TBCD: variants seen among roughly 807,000 people sequenced by gnomAD.
TBCD encodes the protein tubulin-specific chaperone D.
TBCD carries 105 observed loss-of-function variants against 169.3 expected under a neutral mutation model. The ratio of observed to expected loss-of-function variants is 0.62; its 90% CI spans 0.53 to 0.73. The LOEUF (loss-of-function observed/expected upper bound fraction) is 0.73. TBCD is among the 30% of genes least tolerant of loss of function. The pLI is 0.00. For synonymous variants in TBCD, 700 were observed against 643.9 expected (o/e 1.09, Z -1.32); for missense variants, 1,444 against 1,600.1 (o/e 0.90, Z 1.66).
intron 2 of TBCD, among the ~76,000 whole-genome samples, chr17:82,759,655 A>G (rs2047647359): frequency 6.6e-6 from 1 of 152,070 alleles, no homozygotes. Flanking sequence ...TTAGCTTGTC[A>G]AACTATCAGT....
chr17:82,785,812 C>A (rs866174941), intron 7 of TBCD, among the ~76,000 whole-genome samples: 2 of 137,986 alleles, frequency 1.4e-5, no homozygotes, highest in African/African-American at 5.8e-5. Context: ...GGGGTCCATG[C>A]TGTGTGACTG....
intron 34 of TBCD, among the ~76,000 whole-genome samples, chr17:82,935,337 C>T (rs1362794893): frequency 2.6e-5 from 4 of 152,026 alleles, no homozygotes; most frequent in Admixed American, 6.6e-5. Context: ...TGTTTTTGTA[C>T]GCCTCTCTTA....
intron 37 of TBCD, among the ~76,000 whole-genome samples, chr17:82,940,468 G>A (rs1368549534): frequency 6.6e-6 from 1 of 152,196 alleles, no homozygotes; most frequent in East Asian, 1.9e-4. Context: ...AATCCAGCAA[G>A]GACGTAGGTG....
chr17:82,872,953 TCGTGGCCG>T (rs2057704712), intron 14 of TBCD, among the ~76,000 whole-genome samples: 2 of 143,218 alleles, frequency 1.4e-5, no homozygotes, highest in Non-Finnish European at 3.0e-5. Flanking sequence ...GCCCGGCACC[TCGTGGCCG>T]ACGGCTTCTG....
intron 13 of TBCD, among the ~76,000 whole-genome samples, chr17:82,815,694 C>T (rs1386223955): frequency 2.0e-5 from 3 of 152,196 alleles, no homozygotes; most frequent in African/African-American, 7.2e-5. Flanking sequence ...CCTGAGAGGG[C>T]CTCACCACAG....
intron 17 of TBCD, among the ~76,000 whole-genome samples, chr17:82,899,132 TGTGTCCTCCGCTA>T (rs1200073620): frequency 2.9e-5 from 3 of 102,014 alleles, no homozygotes; most frequent in East Asian, 2.9e-4. Flanking sequence ...CCTCAGTGCA[TGTGTCCTCCGCTA>T]GTGTCCTCAG....
chr17:82,762,672 G>A (rs2047827236), intron 2 of TBCD, among the ~76,000 whole-genome samples: 1 of 151,772 alleles, frequency 6.6e-6, no homozygotes, highest in Non-Finnish European at 1.5e-5. Flanking sequence ...TTACTTGAAT[G>A]TGGGAGGCAG....
intron 7 of TBCD, among the ~76,000 whole-genome samples, chr17:82,793,542 C>T (rs550582193): frequency 6.6e-6 from 1 of 152,190 alleles, no homozygotes; most frequent in African/African-American, 2.4e-5. Flanking sequence ...GAGCCTCGAG[C>T]GTACCAGAGT....
chr17:82,848,673 C>CT (rs1224325919), intron 13 of TBCD, among the ~76,000 whole-genome samples: 9 of 152,084 alleles, frequency 5.9e-5, no homozygotes, highest in Non-Finnish European at 1.0e-4. Flanking sequence ...CTCAGATCTT[C>CT]TTTTTTTTCA....
chr17:82,938,782 C>T (rs1031357573), intron 36 of TBCD, among the ~76,000 whole-genome samples: 13 of 149,094 alleles, frequency 8.7e-5, no homozygotes, highest in African/African-American at 2.0e-4. Flanking sequence ...AGAGAGCAGG[C>T]GAGATTGCTT....
intron 25 of TBCD, among the ~76,000 whole-genome samples, 181 bp downstream of exon 25, chr17:82,921,758 C>T (rs2061432265): frequency 6.6e-6 from 1 of 152,244 alleles, no homozygotes; most frequent in Non-Finnish European, 1.5e-5. Context: ...GGTTTATAAC[C>T]AGAAAATCCA....
Position 82,924,979 on chromosome 17 carries a change from C to G in TBCD, c.2301C>G (p.Pro767=), listed in dbSNP as rs376679129. 3.8e-6 allele frequency: 6 copies of G among 1,575,148 alleles called. No homozygotes were observed. The highest frequency in any genetic ancestry group is 5.2e-6 in the Non-Finnish European group (6 of 1,159,194). The change falls in exon 27 of 39, where the codon CCC becomes CCG. Residue 767 remains proline, a synonymous_variant. Transcript: ENST00000355528. The part of the protein sequence containing the change: ...ITQYLAELRN[P]EEMTRCGFSL... ...AGTACCTGGCTGAGCTTCGGAACCC[C>G]GAGGAGATGACTCGCTGTGGCTTCT...
chr17:82,813,376 G>A (rs1201837262), intron 12 of TBCD, among the ~76,000 whole-genome samples: 1 of 151,982 alleles, frequency 6.6e-6, no homozygotes, highest in African/African-American at 2.4e-5. Flanking sequence ...TTCCAGGAGT[G>A]CCTTAAGCTT....
intron 23 of TBCD, among the ~76,000 whole-genome samples, chr17:82,916,376 C>A (rs2147056291): frequency 1.3e-5 from 2 of 152,234 alleles, no homozygotes; most frequent in African/African-American, 2.4e-5. Flanking sequence ...TCCCGAGTAG[C>A]TGGGATTACA....
chr17:82,930,482 C>CG lies in TBCD; in HGVS notation c.2992-35dup, dbSNP rs1568078721. 6.2e-7 allele frequency: 1 copy of CG among 1,602,574 alleles called. No individual in the cohort carries two copies. The highest frequency in any genetic ancestry group is 1.7e-5 in the Admixed American group (1 of 58,648). On this transcript the variant is annotated intron_variant, in intron 32 of 38. Transcript: ENST00000355528. This position sits in a 1 kb window ranked among gnomAD's most constrained non-coding sequence, Gnocchi z 5.2. ...AGCCAAGCCTGAGGGGTGGCAGGCT[C>CG]GGGGGTCCCACTGCCTTCTGAGGTG...
intron 13 of TBCD, among the ~76,000 whole-genome samples, chr17:82,838,031 C>T (rs993143065): frequency 2.6e-5 from 4 of 152,226 alleles, no homozygotes; most frequent in African/African-American, 9.6e-5. Context: ...ATGTTGTGTG[C>T]TCAGCCGATG....
chr17:82,831,727 G>C lies in TBCD; in HGVS notation c.1318+16793G>C, dbSNP rs372681666. 6.2e-7 allele frequency: 1 copy of C among 1,614,008 alleles called. No individual in the cohort carries two copies. Among genetic ancestry groups the C allele is most frequent in the South Asian group, 1.1e-5 (1 of 91,084 alleles). On this transcript the variant is annotated intron_variant, in intron 13 of 38. Coordinates refer to ENST00000355528, the MANE Select transcript of TBCD (RefSeq NM_005993.5). This position sits in a 1 kb window ranked among gnomAD's most constrained non-coding sequence, Gnocchi z 4.6. Reference sequence around the variant, plus strand: ...CCCGTGCTCTGTGTAAAAGTGAGGCGGGTACTCTGGGATTGTGGGGTGCAT... The same window carrying C: ...CCCGTGCTCTGTGTAAAAGTGAGGCCGGTACTCTGGGATTGTGGGGTGCAT...
intron 3 of TBCD, among the ~76,000 whole-genome samples, chr17:82,764,561 C>T (rs1272450011): frequency 6.6e-6 from 1 of 152,162 alleles, no homozygotes; most frequent in Admixed American, 6.6e-5. Context: ...GGGAGAATGG[C>T]TTGAACCTGA....
At position 82,889,971 on chromosome 17, in the gene TBCD, C is replaced by T. The variant is rs548246200; in HGVS notation, c.1563+274C>T. On this transcript the variant is annotated intron_variant, in intron 16 of 38. Transcript: ENST00000355528. The surrounding 1 kb of genome is among the most constrained non-coding windows in gnomAD (Gnocchi z 5.3). ...CATAATGTGGCTCTGCAGGGTGGGGCGGGTCCCTGGGACCAGCCTGGCCTT... is the reference window on the plus strand; with the variant it reads ...CATAATGTGGCTCTGCAGGGTGGGGTGGGTCCCTGGGACCAGCCTGGCCTT... Among the ~76,000 whole-genome samples the T allele has an allele frequency of 1.1e-4, 16 of 152,324 alleles. No individual in the cohort carries two copies. Among genetic ancestry groups the T allele is most frequent in the African/African-American group, 2.4e-4 (10 of 41,578 alleles).
Sources: gnomAD v4.1 joint callset for allele counts (sites outside exome capture counted in the v4.1 genomes callset) on GRCh38, gnomAD v4.1.1 for gene constraint, Gnocchi (gnomAD v3.1) non-coding constraint, MANE v1.5 for transcripts, NCBI Gene and HGNC (gene_info 2026-07-23, HGNC 2026-07-21) for gene names.